ANKRD55: variants seen among roughly 807,000 people sequenced by gnomAD.
ANKRD55 encodes ankyrin repeat domain 55.
Under a neutral mutation model 60.6 loss-of-function variants are expected in ANKRD55, and 41 were observed. That is an observed-to-expected ratio of 0.68 (90% CI 0.53 to 0.88). ANKRD55 has a LOEUF of 0.88. Ranked by LOEUF, ANKRD55 falls within the 40% of genes least tolerant of loss-of-function variation. ANKRD55 has a pLI of 0.00. For synonymous variants in ANKRD55, 264 were observed against 290.3 expected (o/e 0.91, Z 0.92); for missense variants, 732 against 767.6 (o/e 0.95, Z 0.55).
At chr5:56,102,640 A>G (rs1470872064) in intron 10 of ANKRD55, 54 bp from the exon 11 acceptor site, 6 of 1,258,882 alleles carry the variant, frequency 4.8e-6, no homozygotes, top group Non-Finnish European at 7.0e-6. Context: ...AGTGCAAATT[A>G]CAGAATGCAA....
In ANKRD55 at chr5:56,182,320, C is replaced by G. The variant is rs139999768; in HGVS notation, c.181+1192G>C. Among the ~76,000 whole-genome samples, 641 of 152,250 alleles carry G rather than the reference C, an allele frequency of 4.2e-3. 20 individuals are homozygous for G. Among genetic ancestry groups the G allele is most frequent in the Admixed American group, 0.036 (550 of 15,288 alleles). ...TTCTTATTGGCTATTTCTTACTGTT[C>G]TGTTTTCAAGTTCATTACTTCTTTC... is the stretch of plus-strand genomic sequence containing the variant. On this transcript the variant is annotated intron_variant, in intron 3 of 11. Transcript: ENST00000341048.
intron 3 of ANKRD55, among the ~76,000 whole-genome samples, chr5:56,177,399 A>G (rs1217310318): frequency 6.6e-6 from 1 of 152,114 alleles, no homozygotes; most frequent in Non-Finnish European, 1.5e-5. Flanking sequence ...AATTATAACT[A>G]TTGAGAGAAA....
chr5:56,230,040 C>T (rs1760211958), intron 2 of ANKRD55, among the ~76,000 whole-genome samples: 1 of 152,168 alleles, frequency 6.6e-6, no homozygotes, highest in South Asian at 2.1e-4. Context: ...TGCAGTTAAA[C>T]TGGAATCTCC....
chr5:56,105,929 A>G (rs1756450272), intron 10 of ANKRD55, among the ~76,000 whole-genome samples: 2 of 152,230 alleles, frequency 1.3e-5, no homozygotes, highest in South Asian at 4.1e-4. Context: ...CTAGCAGACA[A>G]TACCACAGAG....
intron 7 of ANKRD55, chr5:56,137,231 A>G: frequency 6.2e-7 from 1 of 1,608,146 alleles, no homozygotes; most frequent in South Asian, 1.1e-5. Context: ...GGTGGCCCAA[A>G]AAGAGTGCTG....
At chr5:56,191,270 T>C (rs763492558) in intron 2 of ANKRD55, among the ~76,000 whole-genome samples, 19 of 152,226 alleles carry the variant, frequency 1.2e-4, no homozygotes, top group Non-Finnish European at 1.9e-4. Context: ...ACAGAGATTA[T>C]ATTGAATCTG....
chr5:56,102,582 T>G lies in ANKRD55; in HGVS notation c.1635A>C (p.Gln545His), dbSNP rs1221889727. The G allele has an allele frequency of 3.7e-6, 6 of 1,612,570 alleles. No individual in the cohort carries two copies. The highest frequency in any genetic ancestry group is 2.2e-5 in the East Asian group (1 of 44,836). ...LRHLHNPSSG[Q>H]NFQHLSPNRH... Reference sequence around the variant, plus strand: ...TGTTTGGGGAAAGATGCTGAAAATTTTGTCCTGAAGATAAACATATTTGCA... The same window carrying G: ...TGTTTGGGGAAAGATGCTGAAAATTGTGTCCTGAAGATAAACATATTTGCA... The change falls in exon 11 of 12, where the codon CAA becomes CAC. Residue 545 changes from glutamine (Q) to histidine (H), a missense_variant. Physicochemically the swap from Gln to His is conservative, Grantham distance 24 (BLOSUM62 0). Around this residue, in one of 3 missense-constraint regions of ANKRD55, gnomAD observed 597 missense variants for 607.5 expected, o/e 0.98. Transcript: ENST00000341048.
At chr5:56,144,043 C>T in intron 6 of ANKRD55, 114 bp from the exon 7 acceptor site, 3 of 1,348,650 alleles carry the variant, frequency 2.2e-6, no homozygotes, top group Non-Finnish European at 2.1e-6. Context: ...TTGGTTGTTT[C>T]CTGCTGGTTC....
At chr5:56,186,995 C>T (rs956080853) in intron 2 of ANKRD55, among the ~76,000 whole-genome samples, 1 of 152,146 alleles carries the variant, frequency 6.6e-6, no homozygotes, top group South Asian at 2.1e-4. Context: ...ATTCACAATC[C>T]GTTCATCACT....
chr5:56,199,747 T>C (rs1052922467), intron 2 of ANKRD55, among the ~76,000 whole-genome samples: 11 of 151,716 alleles, frequency 7.3e-5, no homozygotes, highest in South Asian at 2.1e-4. Context: ...AAAAATTAGC[T>C]GGGCGTGGTG....
At chr5:56,175,685 T>G (rs1205369092) in intron 4 of ANKRD55, among the ~76,000 whole-genome samples, 1 of 152,092 alleles carries the variant, frequency 6.6e-6, no homozygotes, top group Non-Finnish European at 1.5e-5. Flanking sequence ...TCCCCTGTTC[T>G]TTATCTTCCA....
chr5:56,176,024 A>G (rs1758729009), intron 4 of ANKRD55, 128 bp downstream of exon 4: 2 of 1,217,762 alleles, frequency 1.6e-6, no homozygotes, highest in African/African-American at 1.5e-5. Flanking sequence ...GATTGGAGTA[A>G]AGCTTCAAGT....
At chr5:56,160,386 C>T (rs914346801) in intron 5 of ANKRD55, among the ~76,000 whole-genome samples, 1 of 152,110 alleles carries the variant, frequency 6.6e-6, no homozygotes, top group South Asian at 2.1e-4. Context: ...CTACAGGCGC[C>T]CCGCACCACG....
At chr5:56,165,638 G>C (rs779999634) in intron 5 of ANKRD55, among the ~76,000 whole-genome samples, 1 of 152,048 alleles carries the variant, frequency 6.6e-6, no homozygotes, top group Non-Finnish European at 1.5e-5. Flanking sequence ...ATATTTAATA[G>C]TACTTACTTC....
chr5:56,155,865 AC>A (rs1449130122), intron 6 of ANKRD55, among the ~76,000 whole-genome samples: 5 of 143,772 alleles, frequency 3.5e-5, no homozygotes, highest in African/African-American at 5.1e-5. Context: ...AAAAAAAAAA[AC>A]CAAAACCATG....
intron 8 of ANKRD55, chr5:56,125,604 A>T (rs1304328435): frequency 2.0e-5 from 3 of 152,106 alleles, no homozygotes; most frequent in African/African-American, 4.8e-5. Context: ...TCAATGATTT[A>T]TACTTTAATT....
chr5:56,170,618 A>T, intron 5 of ANKRD55, 76 bp downstream of exon 5: 1 of 1,135,654 alleles, frequency 8.8e-7, no homozygotes, highest in Non-Finnish European at 1.3e-6. Flanking sequence ...TCAGCCACAG[A>T]GGGATGGATT....
intron 2 of ANKRD55, 87 bp downstream of exon 2, chr5:56,232,769 C>CACAT: frequency 7.4e-7 from 1 of 1,344,330 alleles, no homozygotes; most frequent in Non-Finnish European, 1.1e-6. Flanking sequence ...CACACACACA[C>CACAT]TTCTCTTTCT....
At chr5:56,142,270 G>A (rs1027151312) in intron 7 of ANKRD55, among the ~76,000 whole-genome samples, 19 of 152,270 alleles carry the variant, frequency 1.2e-4, no homozygotes, top group African/African-American at 4.1e-4. Flanking sequence ...GGAGGTGGAG[G>A]TTGCAGTGAG....
Sources: gnomAD v4.1 joint callset for allele counts (sites outside exome capture counted in the v4.1 genomes callset) on GRCh38, gnomAD v4.1.1 for gene constraint, gnomAD v4.1.1 regional missense constraint, MANE v1.5 for transcripts, NCBI Gene and HGNC (gene_info 2026-07-23, HGNC 2026-07-21) for gene names.